The following PBRM1 variants were observed in gnomAD, a reference collection of about 807,000 sequenced individuals.
The protein encoded by PBRM1 is polybromo 1, also known as protein polybromo-1.
A neutral mutation model predicts 194.5 loss-of-function variants in PBRM1; 27 were observed. The ratio of observed to expected loss-of-function variants is 0.14; its 90% CI spans 0.10 to 0.19. PBRM1 has a LOEUF of 0.19. Among genes scored for constraint, PBRM1 ranks in the 10% least tolerant of loss-of-function variants. PBRM1 has a pLI of 1.00. For synonymous variants in PBRM1, 655 were observed against 693.2 expected, an observed-to-expected ratio of 0.94 and a Z score of 0.87; for missense variants, 1,466 against 2,077.2, an observed-to-expected ratio of 0.71 and a Z score of 5.72.
chr3:52,643,219 A>T (rs181865473), intron 9 of PBRM1, 29 bp downstream of exon 10: 2 of 1,453,056 alleles, frequency 1.4e-6, no homozygotes, highest in East Asian at 4.5e-5. Context: ...GCACAGGTCA[A>T]CTCTCAGACT....
At chr3:52,625,640 T>C (rs2095423319) in intron 13 of PBRM1, among the ~76,000 whole-genome samples, 1 of 151,520 alleles carries the variant, frequency 6.6e-6, no homozygotes, top group South Asian at 2.1e-4. Flanking sequence ...AATGGTACAA[T>C]CTCGGCTCAC....
At chr3:52,637,872 G>C (rs1414223125) in intron 10 of PBRM1, among the ~76,000 whole-genome samples, 2 of 151,156 alleles carry the variant, frequency 1.3e-5, no homozygotes, top group African/African-American at 2.4e-5. Context: ...CTTGAACCTG[G>C]GAGGCAGAGG....
intron 2 of PBRM1, among the ~76,000 whole-genome samples, chr3:52,674,427 G>A (rs2097034443): frequency 1.4e-5 from 2 of 144,656 alleles, no homozygotes; most frequent in African/African-American, 5.1e-5. Flanking sequence ...GTTGTGGTGA[G>A]CCACAATCGA....
chr3:52,656,315 T>C (rs986407299), intron 5 of PBRM1, among the ~76,000 whole-genome samples: 15 of 152,286 alleles, frequency 9.8e-5, no homozygotes, highest in African/African-American at 3.4e-4. Context: ...GAAGAACTCA[T>C]TTATCTTCCT....
intron 5 of PBRM1, among the ~76,000 whole-genome samples, chr3:52,652,921 G>A (rs1431055283): frequency 1.3e-5 from 2 of 149,718 alleles, no homozygotes; most frequent in African/African-American, 2.5e-5. Flanking sequence ...TCACTTGAGC[G>A]CAGGAGATGG....
intron 12 of PBRM1, among the ~76,000 whole-genome samples, chr3:52,628,432 G>A (rs988704608): frequency 3.4e-5 from 5 of 147,006 alleles, no homozygotes; most frequent in Non-Finnish European, 7.4e-5. Context: ...TAATACATAA[G>A]TATAATATAT....
At chr3:52,601,777 G>A (rs946747823) in intron 17 of PBRM1, among the ~76,000 whole-genome samples, 14 of 152,132 alleles carry the variant, frequency 9.2e-5, no homozygotes, top group East Asian at 1.9e-4. Context: ...GCAGTGGATC[G>A]AGCAGGTGGG....
chr3:52,660,743 C>T (rs1000445542), intron 4 of PBRM1, among the ~76,000 whole-genome samples: 1 of 152,146 alleles, frequency 6.6e-6, no homozygotes, highest in Non-Finnish European at 1.5e-5. Flanking sequence ...AAACTCCTGA[C>T]CTCAGGTGAT....
intron 13 of PBRM1, among the ~76,000 whole-genome samples, chr3:52,621,412 C>T (rs996165792): frequency 1.3e-5 from 2 of 152,156 alleles, no homozygotes; most frequent in Non-Finnish European, 2.9e-5. Context: ...ATCTGCCCGC[C>T]TCGGCCTCCC....
At chr3:52,555,397 C>T (rs2082003384) in intron 26 of PBRM1, among the ~76,000 whole-genome samples, 2 of 152,218 alleles carry the variant, frequency 1.3e-5, no homozygotes, top group Non-Finnish European at 2.9e-5. Flanking sequence ...TTGTTCAAGA[C>T]TTCTACATCT....
chr3:52,630,979 G>T (rs1577089858), intron 11 of PBRM1, among the ~76,000 whole-genome samples: 1 of 152,078 alleles, frequency 6.6e-6, no homozygotes, highest in African/African-American at 2.4e-5. Flanking sequence ...TTTGGACAGG[G>T]AACTTCTTAA....
chr3:52,552,645 G>A (rs1055732239), intron 27 of PBRM1, among the ~76,000 whole-genome samples: 8 of 152,162 alleles, frequency 5.3e-5, no homozygotes, highest in African/African-American at 1.9e-4. Flanking sequence ...TTTCAGGAAG[G>A]TGGAAAGGAA....
At chr3:52,569,842 T>C (rs909443265) in intron 22 of PBRM1, among the ~76,000 whole-genome samples, 1 of 152,248 alleles carries the variant, frequency 6.6e-6, no homozygotes. Context: ...GATTTCTTAG[T>C]TGATGCTCTT....
At chr3:52,667,110 T>C (rs1473348172) in intron 3 of PBRM1, among the ~76,000 whole-genome samples, 2 of 151,982 alleles carry the variant, frequency 1.3e-5, no homozygotes, top group Non-Finnish European at 2.9e-5. Context: ...AAGACAAAAA[T>C]CAATCCCAGC....
intron 13 of PBRM1, among the ~76,000 whole-genome samples, chr3:52,622,823 A>G (rs1231290542): frequency 1.3e-5 from 2 of 152,180 alleles, no homozygotes; most frequent in African/African-American, 4.8e-5. Context: ...GCCCTTATCA[A>G]TATTCTTCCT....
At chr3:52,596,480 A>AG (rs2093571531) in intron 17 of PBRM1, among the ~76,000 whole-genome samples, 6 of 137,642 alleles carry the variant, frequency 4.4e-5, no homozygotes, top group Non-Finnish European at 7.8e-5. Flanking sequence ...AAAAAAAAAA[A>AG]GAAATGTATC....
At chr3:52,658,403 A>T in intron 4 of PBRM1, 88 bp from the exon 6 acceptor site, 1 of 683,556 alleles carries the variant, frequency 1.5e-6, no homozygotes, top group South Asian at 1.8e-5. Context: ...AGCTAATTCA[A>T]AACAGCAACT....
intron 4 of PBRM1, among the ~76,000 whole-genome samples, chr3:52,661,095 G>A (rs955303380): frequency 4.0e-5 from 6 of 151,290 alleles, no homozygotes; most frequent in African/African-American, 7.3e-5. Flanking sequence ...GCGCCATCTC[G>A]GCTCACTGCA....
At chr3:52,628,795 G>T in intron 12 of PBRM1, 99 bp downstream of exon 13, 1 of 1,067,474 alleles carries the variant, frequency 9.4e-7, no homozygotes, top group South Asian at 1.3e-5. Context: ...TTACTGCTGA[G>T]GGTGGGGGGG....
Sources: gnomAD v4.1 joint callset for allele counts (sites outside exome capture counted in the v4.1 genomes callset) on GRCh38, gnomAD v4.1.1 for gene constraint, MANE v1.5 for transcripts, NCBI Gene and HGNC (gene_info 2026-07-23, HGNC 2026-07-21) for gene names.